Variants in GOLGA4 observed in about 807,000 individuals in gnomAD.
The protein encoded by GOLGA4 is golgin subfamily A member 4.
Under a neutral mutation model 265.9 loss-of-function variants are expected in GOLGA4, and 169 were observed. That is an observed-to-expected ratio of 0.64 (90% CI 0.56 to 0.72). The LOEUF (loss-of-function observed/expected upper bound fraction) is 0.72. Among genes scored for constraint, GOLGA4 ranks in the 30% least tolerant of loss-of-function variants. The pLI is 0.00. For synonymous variants in GOLGA4, 923 were observed against 855.8 expected, an observed-to-expected ratio of 1.08 and a Z score of -1.37; for missense variants, 2,482 against 2,483.4, an observed-to-expected ratio of 1.00 and a Z score of 0.01.
intron 22 of GOLGA4, among the ~76,000 whole-genome samples, chr3:37,359,640 G>A (rs1476710417): frequency 6.6e-6 from 1 of 152,044 alleles, no homozygotes; most frequent in Admixed American, 6.6e-5. Context: ...ATTCTTGGTG[G>A]TGTATATAGT....
chr3:37,317,843 A>T (rs959260321), intron 11 of GOLGA4, among the ~76,000 whole-genome samples: 1 of 152,126 alleles, frequency 6.6e-6, no homozygotes, highest in African/African-American at 2.4e-5. Context: ...GCCTTTGCAC[A>T]TACGTCCTTT....
At chr3:37,276,631 A>G (rs1559372328) in intron 2 of GOLGA4, 2 of 1,529,070 alleles carry the variant, frequency 1.3e-6, no homozygotes, top group Non-Finnish European at 1.8e-6. Context: ...CTGGACCATT[A>G]AGAAAACGGA....
At chr3:37,305,141 A>G (rs1292052679) in intron 10 of GOLGA4, among the ~76,000 whole-genome samples, 2 of 151,920 alleles carry the variant, frequency 1.3e-5, no homozygotes, top group African/African-American at 4.8e-5. Context: ...CTGGTCTCGA[A>G]CTCCCAACCT....
At chr3:37,313,572 A>G (rs190846680) in intron 10 of GOLGA4, 8 of 152,270 alleles carry the variant, frequency 5.3e-5, no homozygotes, top group South Asian at 2.1e-4. Context: ...GTCTATCTCA[A>G]TGGTAGAGGG....
chr3:37,337,711 A>G lies in GOLGA4; in HGVS notation c.6373A>G (p.Lys2125Glu), dbSNP rs1462258306. Reference protein sequence around the residue: ...KTTLISDSKLKEQEFREQIHN... With the variant: ...KTTLISDSKLEEQEFREQIHN... Reference sequence around the variant, plus strand: ...GACTTTAATCAGTGATTCGAAATTGAAAGAGCAAGAGTTCAGAGAACAGGT... The same window carrying G: ...GACTTTAATCAGTGATTCGAAATTGGAAGAGCAAGAGTTCAGAGAACAGGT... The change falls in exon 19 of 24, where the codon AAA becomes GAA. Residue 2125 changes from lysine (K) to glutamate (E), a missense_variant. Transcript: ENST00000361924. 1 of 1,610,564 alleles carries G rather than the reference A, an allele frequency of 6.2e-7. No homozygotes were observed. The highest frequency in any genetic ancestry group is 1.3e-5 in the African/African-American group (1 of 74,842).
chr3:37,328,354 G>T, intron 14 of GOLGA4, 62 bp from the exon 15 acceptor site: 1 of 1,553,218 alleles, frequency 6.4e-7, no homozygotes, highest in East Asian at 2.3e-5. Context: ...TTAAAGACCA[G>T]GTAGCTCCTT....
At chr3:37,264,783 A>G (rs1007423587) in intron 2 of GOLGA4, among the ~76,000 whole-genome samples, 6 of 152,140 alleles carry the variant, frequency 3.9e-5, no homozygotes, top group African/African-American at 1.4e-4. Context: ...ATCACAGCTC[A>G]CTGCTGGGCT....
At chr3:37,356,179 A>C (rs940779404) in intron 22 of GOLGA4, among the ~76,000 whole-genome samples, 9 of 152,148 alleles carry the variant, frequency 5.9e-5, no homozygotes, top group African/African-American at 2.2e-4. Flanking sequence ...AATTCAACCA[A>C]AAATCTGGGG....
At chr3:37,347,972 A>G (rs1162040365) in intron 21 of GOLGA4, among the ~76,000 whole-genome samples, 1 of 152,180 alleles carries the variant, frequency 6.6e-6, no homozygotes, top group African/African-American at 2.4e-5. Context: ...TCTTCAAACA[A>G]AATTTTTCAT....
intron 21 of GOLGA4, among the ~76,000 whole-genome samples, chr3:37,351,590 G>C (rs1342039682): frequency 1.3e-5 from 2 of 152,150 alleles, no homozygotes; most frequent in African/African-American, 4.8e-5. Context: ...AAGAAAACTT[G>C]AAAGTTGGAA....
chr3:37,328,280 A>ACT lies in GOLGA4; in HGVS notation c.5940-116_5940-115dup, dbSNP rs5847960. ...CACACACACACACACTCACTCTCAC[A>ACT]CTCTCTCTCTCTCTCTCTCTCAAAA... On this transcript the variant is annotated intron_variant, in intron 14 of 23. Transcript: ENST00000361924. 7.0e-3 allele frequency: 4,775 copies of ACT among 681,598 alleles called. 95 individuals are homozygous for ACT. The highest frequency in any genetic ancestry group is 0.061 in the African/African-American group (3,268 of 53,622). The allele number at this position is 681,598 out of a possible 1,614,324, so 42.2% of individuals were successfully genotyped here. A position where few individuals can be genotyped will look rare whatever the true frequency, so the allele number is the denominator to read the frequency against.
rs745894338 is a variant in GOLGA4 at position 37,296,242 on chromosome 3, G to A, written c.814+23G>A. ...TAGGTAAGCTTCATTTTGTCAAAAGGTTAATTTAAAAACTAGAGGAGAGCC... is the reference window on the plus strand; with the variant it reads ...TAGGTAAGCTTCATTTTGTCAAAAGATTAATTTAAAAACTAGAGGAGAGCC... On this transcript the variant is annotated intron_variant, in intron 7 of 23. Coordinates refer to ENST00000361924, the MANE Select transcript of GOLGA4 (RefSeq NM_002078.5). 3 of 1,612,546 alleles carry A rather than the reference G, an allele frequency of 1.9e-6. No individual in the cohort carries two copies. In the Admixed American group the frequency reaches 5.0e-5, roughly 27 times the overall value.
intron 16 of GOLGA4, among the ~76,000 whole-genome samples, chr3:37,330,118 C>T: frequency 6.7e-6 from 1 of 149,148 alleles, no homozygotes; most frequent in East Asian, 1.9e-4. Flanking sequence ...GATATATGTG[C>T]TAAATGAAAA....
Position 37,327,138 on chromosome 3 carries a change from T to C in GOLGA4, c.5252T>C (p.Leu1751Pro). 1 of 1,613,598 alleles carries C rather than the reference T, an allele frequency of 6.2e-7. No individual in the cohort carries two copies. The highest frequency in any genetic ancestry group is 8.5e-7 in the Non-Finnish European group (1 of 1,179,744). ...AGAAACTTAACTGAAAAAGAAAAGCTATTGCAGAGGGTAGGGCAGGAAAAA... is the reference window on the plus strand; with the variant it reads ...AGAAACTTAACTGAAAAAGAAAAGCCATTGCAGAGGGTAGGGCAGGAAAAA... ...LQRNLTEKEK[L>P]LQRVGQEKEE... is the part of the protein sequence containing the mutation. The change falls in exon 14 of 24, where the codon CTA becomes CCA. Residue 1751 changes from leucine (L) to proline (P), a missense_variant. Coordinates refer to ENST00000361924, the MANE Select transcript of GOLGA4 (RefSeq NM_002078.5).
intron 22 of GOLGA4, among the ~76,000 whole-genome samples, chr3:37,359,151 G>A (rs78969405): frequency 0.038 from 5,837 of 152,058 alleles, 144 homozygotes; most frequent in African/African-American, 0.056. Flanking sequence ...ACTATACCTT[G>A]CTACTTCATT....
At chr3:37,272,754 CAT>C (rs763964142) in intron 2 of GOLGA4, among the ~76,000 whole-genome samples, 10 of 152,188 alleles carry the variant, frequency 6.6e-5, no homozygotes, top group Non-Finnish European at 1.5e-4. Flanking sequence ...ACTACTGAAA[CAT>C]AGTGGTTGGC....
intron 2 of GOLGA4, among the ~76,000 whole-genome samples, chr3:37,280,592 GA>G (rs1468160338): frequency 9.2e-5 from 14 of 152,306 alleles, no homozygotes; most frequent in African/African-American, 3.4e-4. Context: ...TAGTCAAAAT[GA>G]GTTCACAATA....
At chr3:37,317,792 T>C (rs1021063445) in intron 11 of GOLGA4, among the ~76,000 whole-genome samples, 5 of 152,318 alleles carry the variant, frequency 3.3e-5, no homozygotes, top group African/African-American at 1.2e-4. Context: ...TGTTGGTCTT[T>C]TATGGATTTG....
At chr3:37,278,522 T>C in intron 2 of GOLGA4, among the ~76,000 whole-genome samples, 1 of 152,166 alleles carries the variant, frequency 6.6e-6, no homozygotes, top group East Asian at 1.9e-4. Context: ...TATTTTCTTC[T>C]GTCACAGAAT....
Sources: gnomAD v4.1 joint callset for allele counts (sites outside exome capture counted in the v4.1 genomes callset) on GRCh38, gnomAD v4.1.1 for gene constraint, MANE v1.5 for transcripts, NCBI Gene and HGNC (gene_info 2026-07-23, HGNC 2026-07-21) for gene names.